The following FARP1 variants were observed in gnomAD, a reference collection of about 807,000 sequenced individuals.
FARP1 encodes the protein FERM, ARHGEF and pleckstrin domain-containing protein 1.
Under a neutral mutation model 128.8 loss-of-function variants are expected in FARP1, and 52 were observed. The ratio of observed to expected loss-of-function variants is 0.40; its 90% confidence interval spans 0.32 to 0.51. The LOEUF (loss-of-function observed/expected upper bound fraction) is 0.51. Ranked by LOEUF, FARP1 falls within the 20% of genes least tolerant of loss-of-function variation. The pLI is 0.45. For missense variants in FARP1, 1,333 were observed against 1,367.9 expected (o/e 0.97, Z 0.40); for synonymous variants, 580 against 551.8 (o/e 1.05, Z -0.72).
At chr13:98,414,778 G>A (rs1254801595) in intron 16 of FARP1, among the ~76,000 whole-genome samples, 1 of 152,188 alleles carries the variant, frequency 6.6e-6, no homozygotes, top group African/African-American at 2.4e-5. Context: ...CTCCTGCAGA[G>A]CACTACACCA....
chr13:98,222,838 A>G (rs1881503752), intron 2 of FARP1, among the ~76,000 whole-genome samples: 1 of 137,672 alleles, frequency 7.3e-6, no homozygotes, highest in African/African-American at 2.8e-5. Context: ...GGGTTTCACC[A>G]TGTTGGCCAG....
rs79507189 is a variant in FARP1 at position 98,453,496 on chromosome 13, C to G, written c.*5179C>G. ...CGGGAAATCATATCCCTTTTACTTA[C>G]GATCAATTGTCAAAAAGTGAACATT... On this transcript the variant is annotated 3_prime_UTR_variant, in exon 27 of 27. Transcript: ENST00000319562. 2.6e-6 allele frequency: 1 copy of G among 380,290 alleles called. No individual in the cohort carries two copies. The highest frequency in any genetic ancestry group is 2.1e-5 in the African/African-American group (1 of 47,208). 23.6% of individuals were successfully genotyped at this position (380,290 alleles called of 1,614,324 possible).
intron 1 of FARP1, among the ~76,000 whole-genome samples, chr13:98,201,569 T>G (rs1263144601): frequency 6.6e-6 from 1 of 152,184 alleles, no homozygotes; most frequent in Non-Finnish European, 1.5e-5. Context: ...ATGGTTGAAA[T>G]GCCTTGCTGG....
rs201312864 is a variant in FARP1 at position 98,395,294 on chromosome 13, G to A, written c.1232G>A (p.Arg411Gln). 9.8e-5 allele frequency: 157 copies of A among 1,609,286 alleles called. 1 individual carries two copies. The highest frequency in any genetic ancestry group is 6.9e-4 in the African/African-American group (52 of 74,882). The change falls in exon 13 of 27, where the codon CGA becomes CAA. Residue 411 changes from arginine (R) to glutamine (Q), a missense_variant. By Grantham distance (43) the Arg-to-Gln change is conservative. Around this residue, in one of 2 missense-constraint regions of FARP1, gnomAD observed 1,009 missense variants for 969.8 expected, o/e 1.04. Coordinates refer to ENST00000319562, the MANE Select transcript of FARP1 (RefSeq NM_005766.4). Reference protein sequence around the residue: ...AESPGGQSCRRGKEPKVSAGE... With the variant: ...AESPGGQSCRQGKEPKVSAGE... The stretch of plus-strand genomic sequence containing the variant: ...TCTCCAGGGGGCCAGAGCTGCCGGC[G>A]AGGAAAGGAACCGAAGGTTTCCGCC...
rs572550783 is a variant in FARP1, at chr13:98,224,378, T to C, written c.171+10965T>C. On this transcript the variant is annotated intron_variant, in intron 2 of 26. Coordinates refer to ENST00000319562, the MANE Select transcript of FARP1 (RefSeq NM_005766.4). ...CCGTCTCTACTAAAAATACAAAAAA[T>C]TAGCTGGGCGTGGTGGCGAGTGCCT... 2.4e-4 allele frequency among the ~76,000 whole-genome samples: 37 copies of C among 151,048 alleles called. 1 individual carries two copies. The East Asian group carries it at 5.7e-3, about 23-fold the overall frequency.
intron 16 of FARP1, among the ~76,000 whole-genome samples, chr13:98,420,149 G>A (rs1021228298): frequency 6.6e-6 from 1 of 152,168 alleles, no homozygotes; most frequent in Non-Finnish European, 1.5e-5. Flanking sequence ...CTGTTTATCT[G>A]ATGTTCTAAA....
chr13:98,417,455 GAAAAAAAAAAAAA>G (rs869304302), intron 16 of FARP1, among the ~76,000 whole-genome samples: 91 of 58,484 alleles, frequency 1.6e-3, no homozygotes, highest in African/African-American at 4.6e-3. Flanking sequence ...CCAGAGGTTT[GAAAAAAAAAAAAA>G]AAAAAAAAAA....
intron 2 of FARP1, among the ~76,000 whole-genome samples, chr13:98,335,718 C>T (rs1887710718): frequency 6.6e-6 from 1 of 152,198 alleles, no homozygotes; most frequent in Non-Finnish European, 1.5e-5. Flanking sequence ...ATACCTCTGC[C>T]CACCTGGTCA....
chr13:98,337,679 T>C (rs1887801931), intron 2 of FARP1, among the ~76,000 whole-genome samples: 1 of 152,084 alleles, frequency 6.6e-6, no homozygotes, highest in South Asian at 2.1e-4. Flanking sequence ...TAATCTGTGC[T>C]GTTTCCACCT....
chr13:98,436,074 G>A (rs1892256724), intron 19 of FARP1: 1 of 302,062 alleles, frequency 3.3e-6, no homozygotes, highest in Admixed American at 4.7e-5. Flanking sequence ...AGCCAGAAAG[G>A]TAGTGCATTA....
intron 16 of FARP1, among the ~76,000 whole-genome samples, chr13:98,418,967 G>T (rs775852010): frequency 1.4e-4 from 21 of 152,196 alleles, no homozygotes; most frequent in Admixed American, 3.9e-4. Context: ...CAACCTAAGA[G>T]TGTAATTGAC....
chr13:98,384,024 C>T (rs1436462485), intron 6 of FARP1: 1 of 152,176 alleles, frequency 6.6e-6, no homozygotes, highest in Non-Finnish European at 1.5e-5. Context: ...ATAAGAGTTT[C>T]ACTTTGATGT....
At chr13:98,271,405 A>G (rs891408609) in intron 2 of FARP1, among the ~76,000 whole-genome samples, 2 of 152,154 alleles carry the variant, frequency 1.3e-5, no homozygotes, top group Non-Finnish European at 2.9e-5. Context: ...ATATATTTTT[A>G]AATTTTACTT....
chr13:98,218,321 C>G (rs1052976746), intron 2 of FARP1, among the ~76,000 whole-genome samples: 2 of 152,188 alleles, frequency 1.3e-5, no homozygotes, highest in Admixed American at 6.5e-5. Context: ...GACCTTGAAT[C>G]ATGGTCTCTA....
At chr13:98,285,008 C>T (rs761565140) in intron 2 of FARP1, among the ~76,000 whole-genome samples, 14 of 152,158 alleles carry the variant, frequency 9.2e-5, no homozygotes, top group African/African-American at 2.2e-4. Flanking sequence ...GCCCTAGATC[C>T]GACTTTGGAA....
chr13:98,181,437 AT>A (rs1307324260), intron 1 of FARP1, among the ~76,000 whole-genome samples: 1 of 152,144 alleles, frequency 6.6e-6, no homozygotes, highest in Non-Finnish European at 1.5e-5. Context: ...AGCAAAACCA[AT>A]AAAGTCAGTT....
At chr13:98,283,985 A>G (rs750416131) in intron 2 of FARP1, among the ~76,000 whole-genome samples, 2 of 152,232 alleles carry the variant, frequency 1.3e-5, no homozygotes, top group African/African-American at 4.8e-5. Flanking sequence ...AATGAAATAC[A>G]ATTAAAATGT....
At chr13:98,367,766 GT>G (rs1305462308) in intron 4 of FARP1, among the ~76,000 whole-genome samples, 4 of 152,192 alleles carry the variant, frequency 2.6e-5, no homozygotes, top group Admixed American at 2.6e-4. Flanking sequence ...CATAACTGAT[GT>G]ATGTTTTCAT....
chr13:98,255,151 GA>G (rs1883523791), intron 2 of FARP1, among the ~76,000 whole-genome samples: 2 of 152,034 alleles, frequency 1.3e-5, no homozygotes, highest in South Asian at 4.1e-4. Flanking sequence ...GAATAGCCAA[GA>G]CAAAAAAATT....
Sources: gnomAD v4.1 joint callset for allele counts (sites outside exome capture counted in the v4.1 genomes callset) on GRCh38, gnomAD v4.1.1 for gene constraint, gnomAD v4.1.1 regional missense constraint, MANE v1.5 for transcripts, NCBI Gene and HGNC (gene_info 2026-07-23, HGNC 2026-07-21) for gene names.